The following PPP2R3B variants were observed in gnomAD, a reference collection of about 807,000 sequenced individuals.
PPP2R3B encodes the protein serine/threonine-protein phosphatase 2A regulatory subunit B'' subunit beta.
PPP2R3B carries 68 observed loss-of-function variants against 72.9 expected under a neutral mutation model. The observed-to-expected ratio is 0.93, with a 90% confidence interval of 0.77 to 1.14. PPP2R3B has a LOEUF of 1.14. Ranked by LOEUF, PPP2R3B falls within the 50% of genes most tolerant of loss-of-function variation. PPP2R3B has a pLI of 0.00. For synonymous variants in PPP2R3B, 466 were observed against 375.8 expected, an observed-to-expected ratio of 1.24 and a Z score of -2.78; for missense variants, 1,018 against 842.0, an observed-to-expected ratio of 1.21 and a Z score of -2.59.
chrX:373,785 G>A (rs1239525589), intron 1 of PPP2R3B: 3 of 150,592 alleles, frequency 2.0e-5, no homozygotes, highest in Middle Eastern at 6.9e-3. Context: ...TCGCCCGCCA[G>A]GCGCTCTGGG....
chrX:364,506 T>TA (rs748519595), intron 1 of PPP2R3B, among the ~76,000 whole-genome samples: 1,496 of 44,204 alleles, frequency 0.034, 62 homozygotes, highest in African/African-American at 0.13. Flanking sequence ...TCATCTCTAC[T>TA]AAAAAAAAAA....
intron 1 of PPP2R3B, among the ~76,000 whole-genome samples, chrX:376,833 G>A (rs753732700): frequency 1.6e-5 from 2 of 122,994 alleles, no homozygotes; most frequent in Non-Finnish European, 3.6e-5. Context: ...GGGACGGGCC[G>A]TCCACAGTGG....
At chrX:353,406 C>T (rs2071370157) in intron 2 of PPP2R3B, among the ~76,000 whole-genome samples, 1 of 152,010 alleles carries the variant, frequency 6.6e-6, no homozygotes, top group Non-Finnish European at 1.5e-5. Context: ...ATACAGACAG[C>T]CTGTGTTTAT....
chrX:347,142 G>T lies in PPP2R3B; in HGVS notation c.717+92C>A, dbSNP rs150393828. On this transcript the variant is annotated intron_variant, in intron 4 of 12. Transcript: ENST00000390665. ...CCCTCCCGTGAGGGATGAGGCGTGT[G>T]GTGTAGACGCCGGCCCTCCCATGAG... 2.4e-3 allele frequency: 2,688 copies of T among 1,140,032 alleles called. 38 individuals are homozygous for T. The African/African-American group carries it at 0.038, about 16-fold the overall frequency. 70.6% of individuals were successfully genotyped at this position (1,140,032 alleles called of 1,614,324 possible). A position where few individuals can be genotyped will look rare whatever the true frequency, so the allele number is the denominator to read the frequency against.
At position 384,574 on chromosome X, in the gene PPP2R3B, G is replaced by A. The variant is rs1461679884; in HGVS notation, c.324+1794C>T. On this transcript the variant is annotated intron_variant, in intron 1 of 12. Coordinates refer to ENST00000390665, the MANE Select transcript of PPP2R3B (RefSeq NM_013239.5). The stretch of plus-strand genomic sequence containing the variant: ...ACTCCCAAATGCTGGAATCACAGGC[G>A]TGAGTCACCATGCCTGACCAATATA... Among the ~76,000 whole-genome samples the A allele has an allele frequency of 5.9e-5, 9 of 152,124 alleles. No homozygotes were observed. In the East Asian group the frequency reaches 1.7e-3, roughly 29 times the overall value.
At chrX:358,661 C>T (rs1291843164) in intron 2 of PPP2R3B, among the ~76,000 whole-genome samples, 1 of 142,050 alleles carries the variant, frequency 7.0e-6, no homozygotes, top group African/African-American at 2.5e-5. Flanking sequence ...GCCTCACTAC[C>T]TTAGACGGCC....
At chrX:372,677 C>T (rs2071891651) in intron 1 of PPP2R3B, among the ~76,000 whole-genome samples, 1 of 152,218 alleles carries the variant, frequency 6.6e-6, no homozygotes, top group Non-Finnish European at 1.5e-5. Context: ...ATTTCAAAGC[C>T]AGCTGGGGTG....
At chrX:375,816 A>AGGTGACACACGCCCTGTCCTGCCATGCCG (rs1569415925) in intron 1 of PPP2R3B, among the ~76,000 whole-genome samples, 23 of 151,548 alleles carry the variant, frequency 1.5e-4, no homozygotes, top group Admixed American at 5.9e-4. Flanking sequence ...CTGCCACGCC[A>AGGTGACACACGCCCTGTCCTGCCATGCCG]GGTGACACAC....
chrX:348,304 G>C (rs1385894011), intron 2 of PPP2R3B, among the ~76,000 whole-genome samples: 3 of 151,960 alleles, frequency 2.0e-5, no homozygotes, highest in African/African-American at 7.3e-5. Context: ...GGCTGGGCGT[G>C]GTGGCTCATG....
chrX:347,333 G>C lies in PPP2R3B; in HGVS notation c.618C>G (p.Ile206Met). The C allele has an allele frequency of 6.2e-7, 1 of 1,613,714 alleles. No individual in the cohort carries two copies. Among genetic ancestry groups the C allele is most frequent in the East Asian group, 2.2e-5 (1 of 44,872 alleles). Reference sequence around the variant, plus strand: ...CCGCGTCGTCGTGGCAGTTCTGGAGGATTCTGGAAGGACAGGATGACTGGG... The same window carrying C: ...CCGCGTCGTCGTGGCAGTTCTGGAGCATTCTGGAAGGACAGGATGACTGGG... ...VHKFVAMWRK[I>M]LQNCHDDAAK... The change falls in exon 4 of 13, where the codon ATC (isoleucine) becomes ATG (methionine). Residue 206 changes from isoleucine (I) to methionine (M), a missense_variant. Transcript: ENST00000390665.
chrX:336,824 C>A (rs118179880), intron 12 of PPP2R3B: 8 of 152,162 alleles, frequency 5.3e-5, no homozygotes, highest in African/African-American at 1.9e-4. Context: ...CAAGCGTACA[C>A]GGAAAGCTAC....
Position 364,633 on chromosome X carries a change from G to A in PPP2R3B, c.325-3043C>T, listed in dbSNP as rs758613678. Among the ~76,000 whole-genome samples, 23 of 144,562 alleles carry A rather than the reference G, an allele frequency of 1.6e-4. 2 individuals carry two copies. The highest frequency in any genetic ancestry group is 4.4e-4 in the South Asian group (2 of 4,500). 94.8% of individuals were successfully genotyped at this position (144,562 alleles called of 152,430 possible). On this transcript the variant is annotated intron_variant, in intron 1 of 12. Transcript: ENST00000390665. ...CTCGGGAGGCTGAGGCAGGAGAATC[G>A]CTTCAACACAGGAGGCGGAGGTTGC...
intron 1 of PPP2R3B, among the ~76,000 whole-genome samples, chrX:379,090 C>CGT (rs765903380): frequency 0.039 from 5,434 of 140,352 alleles, 248 homozygotes; most frequent in African/African-American, 0.12. Context: ...TATGCACCTA[C>CGT]GTGTGTGTGT....
chrX:370,689 C>T (rs1456107320), intron 1 of PPP2R3B, among the ~76,000 whole-genome samples: 4 of 152,202 alleles, frequency 2.6e-5, no homozygotes, highest in Non-Finnish European at 5.9e-5. Flanking sequence ...CTGCCACTGC[C>T]CAGGGAGTGG....
intron 1 of PPP2R3B, among the ~76,000 whole-genome samples, chrX:363,927 A>C (rs5945446): frequency 0.62 from 94,276 of 152,150 alleles, 29,481 homozygotes; most frequent in African/African-American, 0.67. Flanking sequence ...AACCTTCCTG[A>C]TGAAAACTGC....
At chrX:381,517 T>C (rs2072123346) in intron 1 of PPP2R3B, among the ~76,000 whole-genome samples, 1 of 151,792 alleles carries the variant, frequency 6.6e-6, no homozygotes, top group Non-Finnish European at 1.5e-5. Flanking sequence ...CCAGAGTTTG[T>C]AGCATGGAAC....
intron 8 of PPP2R3B, 107 bp from the exon 9 acceptor site, chrX:341,503 GCCCTCCTCCT>G: frequency 3.4e-6 from 4 of 1,165,348 alleles, no homozygotes; most frequent in East Asian, 2.4e-5. Context: ...CCCGGGCCCG[GCCCTCCTCCT>G]GCCCCCCTCC....
At chrX:372,786 C>T (rs2071894237) in intron 1 of PPP2R3B, among the ~76,000 whole-genome samples, 2 of 152,188 alleles carry the variant, frequency 1.3e-5, no homozygotes, top group South Asian at 4.1e-4. Flanking sequence ...GGTGAAACCC[C>T]GTCCCTACTA....
intron 9 of PPP2R3B, 112 bp from the exon 10 acceptor site, chrX:341,052 GC>G (rs2071056060): frequency 1.4e-6 from 2 of 1,429,060 alleles, no homozygotes; most frequent in Non-Finnish European, 1.9e-6. Flanking sequence ...GTGCCTTGCA[GC>G]CCCCACCGGG....
Sources: allele counts gnomAD v4.1 joint callset (sites outside exome capture counted in the v4.1 genomes callset), GRCh38; gene constraint gnomAD v4.1.1; transcripts MANE v1.5; gene names NCBI Gene and HGNC (gene_info 2026-07-23, HGNC 2026-07-21).